B3GLCT: variants seen among roughly 807,000 people sequenced by gnomAD.
The protein encoded by B3GLCT is beta 3-glucosyltransferase, also known as beta-1,3-glucosyltransferase.
B3GLCT carries 65 observed loss-of-function variants against 63.4 expected under a neutral mutation model. The observed-to-expected ratio is 1.03, with a 90% CI of 0.84 to 1.26. The LOEUF (loss-of-function observed/expected upper bound fraction) is 1.26, where lower values mean the gene tolerates loss of function less well. Ranked by LOEUF, B3GLCT falls within the 50% of genes most tolerant of loss-of-function variation. B3GLCT has a pLI of 0.00. For synonymous variants in B3GLCT, 233 were observed against 219.2 expected (o/e 1.06, Z -0.55); for missense variants, 577 against 604.8 (o/e 0.95, Z 0.48).
chr13:31,273,311 G>C (rs1872650419), intron 8 of B3GLCT, among the ~76,000 whole-genome samples: 1 of 152,178 alleles, frequency 6.6e-6, no homozygotes, highest in Admixed American at 6.5e-5. Flanking sequence ...GGACAGGCTG[G>C]TCTCGAACTC....
intron 8 of B3GLCT, 83 bp from the exon 9 acceptor site, chr13:31,274,426 C>T: frequency 1.3e-6 from 2 of 1,555,958 alleles, no homozygotes; most frequent in East Asian, 2.2e-5. Context: ...ATGTGTTCTG[C>T]TTTCCCTTGA....
intron 6 of B3GLCT, among the ~76,000 whole-genome samples, chr13:31,248,467 A>C (rs1367680203): frequency 2.0e-5 from 3 of 152,178 alleles, no homozygotes; most frequent in Admixed American, 6.5e-5. Flanking sequence ...TTAGAAGGAA[A>C]ACATCTCTAA....
chr13:31,298,377 T>G (rs9565173), intron 12 of B3GLCT, among the ~76,000 whole-genome samples: 107,633 of 152,072 alleles, frequency 0.71, 38,956 homozygotes, highest in Middle Eastern at 0.8. Context: ...TAGTCCACTA[T>G]ATTGTATTAA....
At chr13:31,237,124 T>TAAA (rs1870691618) in intron 4 of B3GLCT, among the ~76,000 whole-genome samples, 1 of 72,014 alleles carries the variant, frequency 1.4e-5, no homozygotes. Flanking sequence ...AGACTCCATC[T>TAAA]CAAAAAAAAA....
chr13:31,286,599 C>T, intron 11 of B3GLCT, 121 bp from the exon 12 acceptor site: 1 of 695,100 alleles, frequency 1.4e-6, no homozygotes, highest in Non-Finnish European at 2.4e-6. Flanking sequence ...AAATTTTGAA[C>T]TTTTAAGCTG....
At chr13:31,251,594 G>A (rs1188193091) in intron 6 of B3GLCT, among the ~76,000 whole-genome samples, 1 of 152,098 alleles carries the variant, frequency 6.6e-6, no homozygotes, top group African/African-American at 2.4e-5. Flanking sequence ...TAGCCGAATC[G>A]ATCAAGTGGA....
At chr13:31,258,774 C>G (rs1008737207) in intron 6 of B3GLCT, among the ~76,000 whole-genome samples, 1 of 152,106 alleles carries the variant, frequency 6.6e-6, no homozygotes, top group African/African-American at 2.4e-5. Flanking sequence ...GTGTGATTTT[C>G]TTTGTATTTG....
chr13:31,231,765 T>C (rs954352712), intron 4 of B3GLCT, among the ~76,000 whole-genome samples: 4 of 152,114 alleles, frequency 2.6e-5, no homozygotes, highest in African/African-American at 4.8e-5. Flanking sequence ...AAGTATTCCT[T>C]CTTCTCCTCT....
intron 6 of B3GLCT, among the ~76,000 whole-genome samples, chr13:31,252,169 G>A (rs1282331799): frequency 6.6e-6 from 1 of 152,134 alleles, no homozygotes; most frequent in Non-Finnish European, 1.5e-5. Flanking sequence ...AAGAAATGCT[G>A]AGAGATTTTG....
intron 1 of B3GLCT, among the ~76,000 whole-genome samples, chr13:31,201,272 A>G (rs1252393819): frequency 1.3e-5 from 2 of 152,156 alleles, no homozygotes; most frequent in Non-Finnish European, 2.9e-5. Context: ...ATTTGTATTT[A>G]AGCTCTCTGA....
chr13:31,247,978 T>G lies in B3GLCT; in HGVS notation c.459+12T>G. 7.3e-7 allele frequency: 1 copy of G among 1,364,256 alleles called. No individual in the cohort carries two copies. The highest frequency in any genetic ancestry group is 1.0e-6 in the Non-Finnish European group (1 of 952,952). The allele number at this position is 1,364,256 out of a possible 1,614,324, so 84.5% of individuals were successfully genotyped here. ...ATGACCCCTCTAAGGTGAATATAAC[T>G]TCAATACCAGTTCTTATTTTGGGGG... On this transcript the variant is annotated intron_variant, in intron 6 of 14. Coordinates refer to ENST00000343307, the MANE Select transcript of B3GLCT (RefSeq NM_194318.4).
chr13:31,263,094 CG>C (rs1171261739), intron 7 of B3GLCT, among the ~76,000 whole-genome samples: 1 of 152,094 alleles, frequency 6.6e-6, no homozygotes, highest in African/African-American at 2.4e-5. Context: ...ATATGGCAAG[CG>C]GGGGTGTAAT....
chr13:31,329,682 G>A lies in B3GLCT; in HGVS notation c.*14G>A, dbSNP rs1378716212. 5.0e-6 allele frequency: 8 copies of A among 1,613,848 alleles called. No individual in the cohort carries two copies. The highest frequency in any genetic ancestry group is 2.7e-5 in the African/African-American group (2 of 74,944). Reference sequence around the variant, plus strand: ...GAGGAGTTATAAATCAGGGTGACCTGTGCGCCTAGCCTGCGCAGGGAATGA... The same window carrying A: ...GAGGAGTTATAAATCAGGGTGACCTATGCGCCTAGCCTGCGCAGGGAATGA... On this transcript the variant is annotated 3_prime_UTR_variant, in exon 15 of 15. Coordinates refer to ENST00000343307, the MANE Select transcript of B3GLCT (RefSeq NM_194318.4).
chr13:31,282,501 G>A (rs1266203271), intron 10 of B3GLCT, among the ~76,000 whole-genome samples: 5 of 152,042 alleles, frequency 3.3e-5, no homozygotes, highest in Admixed American at 6.6e-5. Context: ...AATTAGCCGG[G>A]CGTGGTGGCG....
intron 12 of B3GLCT, among the ~76,000 whole-genome samples, chr13:31,316,084 G>A (rs573992339): frequency 1.3e-5 from 2 of 152,248 alleles, no homozygotes; most frequent in East Asian, 3.9e-4. Context: ...CAGGGCTGGG[G>A]CCCTCATGAA....
At chr13:31,222,372 G>A (rs1483882232) in intron 2 of B3GLCT, among the ~76,000 whole-genome samples, 7 of 151,994 alleles carry the variant, frequency 4.6e-5, no homozygotes, top group Non-Finnish European at 1.0e-4. Flanking sequence ...CACCGCACCC[G>A]GCCTCTGTGC....
At chr13:31,261,864 C>A (rs1051192302) in intron 7 of B3GLCT, among the ~76,000 whole-genome samples, 1 of 152,208 alleles carries the variant, frequency 6.6e-6, no homozygotes, top group Non-Finnish European at 1.5e-5. Context: ...GACAAAACTT[C>A]TTGACTACTC....
Position 31,329,781 on chromosome 13 carries a change from C to T in B3GLCT, c.*113C>T, listed in dbSNP as rs547605335. 3.3e-6 allele frequency: 4 copies of T among 1,228,528 alleles called. No homozygotes were observed. Among genetic ancestry groups the T allele is most frequent in the Middle Eastern group, 2.6e-4 (1 of 3,842 alleles). 76.1% of individuals were successfully genotyped at this position (1,228,528 alleles called of 1,614,324 possible). On this transcript the variant is annotated 3_prime_UTR_variant, in exon 15 of 15. Transcript: ENST00000343307. ...GTCTGCCACATGGCATTGGGTGCTT[C>T]CTGACTTTAGGGGGAGATTTTATGT... is the stretch of plus-strand genomic sequence containing the variant.
intron 13 of B3GLCT, among the ~76,000 whole-genome samples, chr13:31,323,535 A>G (rs1009939566): frequency 1.6e-4 from 24 of 152,226 alleles, no homozygotes; most frequent in African/African-American, 4.1e-4. Context: ...TTTAAAACGA[A>G]GAGAAATTAT....
Sources: gnomAD v4.1 joint callset for allele counts (sites outside exome capture counted in the v4.1 genomes callset) on GRCh38, gnomAD v4.1.1 for gene constraint, MANE v1.5 for transcripts, NCBI Gene and HGNC (gene_info 2026-07-23, HGNC 2026-07-21) for gene names.